Variants in ITGA3 observed in about 807,000 individuals in gnomAD.
ITGA3 encodes integrin alpha-3.
ITGA3 carries 70 observed loss-of-function variants against 131.1 expected under a neutral mutation model. The observed-to-expected ratio is 0.53, with a 90% CI of 0.44 to 0.65. The LOEUF is 0.65. Ranked by LOEUF, ITGA3 falls within the 30% of genes least tolerant of loss-of-function variation. ITGA3 has a pLI of 0.00. For synonymous variants in ITGA3, 537 were observed against 571.6 expected, an observed-to-expected ratio of 0.94 and a Z score of 0.86; for missense variants, 1,098 against 1,388.6, an observed-to-expected ratio of 0.79 and a Z score of 3.33.
chr17:50,071,616 C>T (rs1416039150), intron 6 of ITGA3, 98 bp downstream of exon 6: 49 of 1,134,512 alleles, frequency 4.3e-5, no homozygotes, highest in Middle Eastern at 2.9e-4. Context: ...TGCAGTTGTG[C>T]GGCTGTCTGC....
Position 50,077,045 on chromosome 17 carries a change from G to T in ITGA3, c.1994G>T (p.Arg665Leu). The T allele has an allele frequency of 3.7e-6, 6 of 1,608,018 alleles. No individual in the cohort carries two copies. The highest frequency in any genetic ancestry group is 3.4e-6 in the Non-Finnish European group (4 of 1,176,862). ...GTGACGAACACCCGGACCTCGGAGC[G>T]CTCCGGGGAGGACGCCCACGAGGCG... Reference protein sequence around the residue: ...INVTNTRTSERSGEDAHEALL... With the variant: ...INVTNTRTSELSGEDAHEALL... Residue 665 changes from arginine (R) to leucine (L), a missense_variant, in exon 15 of 26, where the codon CGC becomes CTC. Physicochemically the swap from Arg to Leu is moderately radical, Grantham distance 102. Around this residue, in one of 3 missense-constraint regions of ITGA3, gnomAD observed 699 missense variants for 829.2 expected, o/e 0.84. Coordinates refer to ENST00000320031, the MANE Select transcript of ITGA3 (RefSeq NM_002204.4).
At chr17:50,083,662 T>C (rs1224703837) in intron 23 of ITGA3, among the ~76,000 whole-genome samples, 2 of 148,066 alleles carry the variant, frequency 1.4e-5, no homozygotes, top group African/African-American at 5.0e-5. Flanking sequence ...AGGTTGAGGC[T>C]GCAGTGAGTC....
At chr17:50,075,827 C>A in intron 12 of ITGA3, 92 bp downstream of exon 12, 1 of 1,363,934 alleles carries the variant, frequency 7.3e-7, no homozygotes. Context: ...GGACGGGGGT[C>A]TCCCCAGAGA....
At position 50,074,476 on chromosome 17, in the gene ITGA3, A is replaced by G. The variant is rs1252770662; in HGVS notation, c.1411A>G (p.Lys471Glu). Residue 471 changes from lysine to glutamate, a missense_variant, in exon 10 of 26, where the codon AAG becomes GAG. This residue lies in a region of ITGA3 where 699 missense variants were observed against 829.2 expected (regional missense o/e 0.84). Coordinates refer to ENST00000320031, the MANE Select transcript of ITGA3 (RefSeq NM_002204.4). Reference sequence around the variant, plus strand: ...CCGGCCCGTCATCAACATCGTCCACAAGACCTTGGTGCCCAGGCCAGCTGT... The same window carrying G: ...CCGGCCCGTCATCAACATCGTCCACGAGACCTTGGTGCCCAGGCCAGCTGT... ...RARPVINIVH[K>E]TLVPRPAVLD... is the part of the protein sequence containing the mutation. 1.2e-6 allele frequency: 2 copies of G among 1,613,940 alleles called. No individual in the cohort carries two copies. The highest frequency in any genetic ancestry group is 1.7e-6 in the Non-Finnish European group (2 of 1,180,012).
At chr17:50,072,434 G>C in intron 7 of ITGA3, among the ~76,000 whole-genome samples, 1 of 152,114 alleles carries the variant, frequency 6.6e-6, no homozygotes. Flanking sequence ...TGGGCTGAGA[G>C]TGCACAGTAG....
Position 50,064,229 on chromosome 17 carries a change from G to T in ITGA3, c.334+25G>T, listed in dbSNP as rs368313955. 9 of 1,594,180 alleles carry T rather than the reference G, an allele frequency of 5.6e-6. No homozygotes were observed. The highest frequency in any genetic ancestry group is 6.8e-6 in the Non-Finnish European group (8 of 1,171,648). On this transcript the variant is annotated intron_variant, in intron 2 of 25. Transcript: ENST00000320031. The surrounding 1 kb of genome is among the most constrained non-coding windows in gnomAD (Gnocchi z 4.4). ...AGTGAGGGGAAGGGGCTGGGGAGGGGTGCTGGGTCAGAGGTCTGGCAGGGG... is the reference window on the plus strand; with the variant it reads ...AGTGAGGGGAAGGGGCTGGGGAGGGTTGCTGGGTCAGAGGTCTGGCAGGGG...
At chr17:50,076,548 G>C (rs745855428) in intron 13 of ITGA3, 36 bp from the exon 14 acceptor site, 5 of 1,608,034 alleles carry the variant, frequency 3.1e-6, no homozygotes, top group African/African-American at 2.7e-5. Context: ...CACTGGGGGG[G>C]GTGGTGCGGC....
Position 50,078,247 on chromosome 17 carries a change from C to T in ITGA3, c.2260C>T (p.Leu754=), listed in dbSNP as rs754354763. ...QDNLWPMILT[L]LVDYTLQTSL... Reference sequence around the variant, plus strand: ...CAACCTGTGGCCCATGATCCTCACTCTGCTGGTGGACTATACACTCCAGAC... The same window carrying T: ...CAACCTGTGGCCCATGATCCTCACTTTGCTGGTGGACTATACACTCCAGAC... The change falls in exon 18 of 26, where the codon CTG becomes TTG. Residue 754 remains leucine (L), a synonymous_variant. Transcript: ENST00000320031. 2.5e-6 allele frequency: 4 copies of T among 1,614,054 alleles called. No individual in the cohort carries two copies. Among genetic ancestry groups the T allele is most frequent in the Non-Finnish European group, 3.4e-6 (4 of 1,179,962 alleles).
rs1202287056 is a variant in ITGA3 at position 50,056,430 on chromosome 17, G to T, written c.-10G>T. The T allele has an allele frequency of 2.7e-6, 4 of 1,475,816 alleles. No individual in the cohort carries two copies. Among genetic ancestry groups the T allele is most frequent in the African/African-American group, 1.5e-5 (1 of 67,704 alleles). The allele number at this position is 1,475,816 out of a possible 1,614,324, so 91.4% of individuals were successfully genotyped here. A position where few individuals can be genotyped will look rare whatever the true frequency, so the allele number is the denominator to read the frequency against. ...GCGCTCTCGCCGGGACCCCGCTTCC[G>T]CTGGCAGCCATGGGCCCCGGCCCCA... On this transcript the variant is annotated 5_prime_UTR_variant, in exon 1 of 26. Transcript: ENST00000320031. This position sits in a 1 kb window ranked among gnomAD's most constrained non-coding sequence, Gnocchi z 5.6.
In ITGA3 at chr17:50,071,502, G is replaced by C; in HGVS notation, c.943G>C (p.Asp315His). The change falls in exon 6 of 26, where the codon GAC (aspartate) becomes CAC (histidine). Residue 315 changes from aspartate to histidine, a missense_variant. By Grantham distance (81) the Asp-to-His change is moderately conservative. Coordinates refer to ENST00000320031, the MANE Select transcript of ITGA3 (RefSeq NM_002204.4). ...AYFGSAIALA[D>H]LNNDGWQDLL... ...TTTTGGCAGCGCCATTGCCCTGGCA[G>C]ACCTGAACAATGATGGGTGAGAATC... The C allele has an allele frequency of 3.7e-6, 6 of 1,608,790 alleles. No homozygotes were observed. Among genetic ancestry groups the C allele is most frequent in the Non-Finnish European group, 2.5e-6 (3 of 1,179,530 alleles).
At position 50,088,377 on chromosome 17, in the gene ITGA3, C is replaced by A; in HGVS notation, c.*31+11C>A. 1 of 1,437,002 alleles carries A rather than the reference C, an allele frequency of 7.0e-7. No individual in the cohort carries two copies. Among genetic ancestry groups the A allele is most frequent in the Non-Finnish European group, 9.6e-7 (1 of 1,044,076 alleles). The allele number at this position is 1,437,002 out of a possible 1,614,324, so 89.0% of individuals were successfully genotyped here. A position where few individuals can be genotyped will look rare whatever the true frequency, so the allele number is the denominator to read the frequency against. On this transcript the variant is annotated intron_variant, in intron 25 of 25. Transcript: ENST00000320031. Reference sequence around the variant, plus strand: ...CCCCGGCCCACCTGGGTAACACGGCCTCCGGGCCCCCTTCCCCGAGCCCCA... The same window carrying A: ...CCCCGGCCCACCTGGGTAACACGGCATCCGGGCCCCCTTCCCCGAGCCCCA...
Position 50,056,669 on chromosome 17 carries a change from G to A in ITGA3, c.206+24G>A. 6.3e-7 allele frequency: 1 copy of A among 1,587,880 alleles called. No individual in the cohort carries two copies. ...CTGTAAGTGAAGCTGGAGGGTGTGG[G>A]GTGGGAGCGAGAGAGTGTGCGAGCG... On this transcript the variant is annotated intron_variant, in intron 1 of 25. Coordinates refer to ENST00000320031, the MANE Select transcript of ITGA3 (RefSeq NM_002204.4). The surrounding 1 kb of genome is among the most constrained non-coding windows in gnomAD (Gnocchi z 5.6).
intron 1 of ITGA3, among the ~76,000 whole-genome samples, chr17:50,063,327 G>C (rs924547518): frequency 6.6e-6 from 1 of 152,174 alleles, no homozygotes; most frequent in Non-Finnish European, 1.5e-5. Context: ...CCCTACCTGT[G>C]TGCCTGTCTT....
At chr17:50,082,335 C>A (rs1475044184) in intron 23 of ITGA3, among the ~76,000 whole-genome samples, 1 of 152,180 alleles carries the variant, frequency 6.6e-6, no homozygotes, top group East Asian at 1.9e-4. Context: ...CCCACCACCA[C>A]GCCCGGCTAA....
At chr17:50,071,778 C>T (rs948124267) in intron 6 of ITGA3, 14 of 615,738 alleles carry the variant, frequency 2.3e-5, no homozygotes, top group South Asian at 1.4e-4. Context: ...GCCTGCATGG[C>T]GTCTCCATGA....
chr17:50,068,829 T>A (rs1004930348), intron 4 of ITGA3, among the ~76,000 whole-genome samples: 17 of 138,006 alleles, frequency 1.2e-4, no homozygotes, highest in African/African-American at 4.1e-4. Context: ...TTTATTTATT[T>A]ATTTATTTAT....
chr17:50,064,123 A>C lies in ITGA3; in HGVS notation c.253A>C (p.Thr85Pro). The C allele has an allele frequency of 1.2e-6, 2 of 1,612,474 alleles. No individual in the cohort carries two copies. The highest frequency in any genetic ancestry group is 8.5e-7 in the Non-Finnish European group (1 of 1,179,604). The part of the protein sequence containing the change: ...PRELAVPDGY[T>P]NRTGAVYLCP... ...GGAGCTCGCTGTGCCCGATGGCTAC[A>C]CCAACCGGACTGGTGCTGTGTACCT... Residue 85 changes from threonine (T) to proline (P), a missense_variant, in exon 2 of 26, where the codon ACC becomes CCC. Physicochemically the swap from Thr to Pro is conservative, Grantham distance 38. Transcript: ENST00000320031. The surrounding 1 kb of genome is among the most constrained non-coding windows in gnomAD (Gnocchi z 4.4).
At position 50,078,252 on chromosome 17, in the gene ITGA3, G is replaced by A. The variant is rs1567702581; in HGVS notation, c.2265G>A (p.Leu755=). 1 of 1,613,978 alleles carries A rather than the reference G, an allele frequency of 6.2e-7. No homozygotes were observed. ...TGTGGCCCATGATCCTCACTCTGCT[G>A]GTGGACTATACACTCCAGACCTCGC... The part of the protein sequence containing the change: ...DNLWPMILTL[L]VDYTLQTSLS... The change falls in exon 18 of 26, where the codon CTG becomes CTA. Residue 755 remains leucine (L), a synonymous_variant. Coordinates refer to ENST00000320031, the MANE Select transcript of ITGA3 (RefSeq NM_002204.4).
chr17:50,063,070 C>A (rs1399217985), intron 1 of ITGA3, among the ~76,000 whole-genome samples: 12 of 152,234 alleles, frequency 7.9e-5, no homozygotes, highest in Non-Finnish European at 1.5e-4. Context: ...TGGCCCAAGG[C>A]TTGTCCTCTA....
Sources: allele counts gnomAD v4.1 joint callset (sites outside exome capture counted in the v4.1 genomes callset), GRCh38; gene constraint gnomAD v4.1.1; regional missense constraint gnomAD v4.1.1; non-coding constraint Gnocchi (gnomAD v3.1); transcripts MANE v1.5; gene names NCBI Gene and HGNC (gene_info 2026-07-23, HGNC 2026-07-21).